The following TBL1X variants were observed in gnomAD, a reference collection of about 807,000 sequenced individuals.
The protein encoded by TBL1X is F-box-like/WD repeat-containing protein TBL1X.
Under a neutral mutation model 50.7 loss-of-function variants are expected in TBL1X, and 10 were observed. The observed-to-expected ratio is 0.20, with a 90% CI of 0.12 to 0.33. The LOEUF is 0.33. TBL1X is among the 10% of genes least tolerant of loss of function. The pLI is 1.00. For missense variants in TBL1X, 340 were observed against 504.4 expected, an observed-to-expected ratio of 0.67 and a Z score of 3.12; for synonymous variants, 190 against 214.7, an observed-to-expected ratio of 0.88 and a Z score of 1.01.
intron 2 of TBL1X, among the ~76,000 whole-genome samples, chrX:9,542,822 T>C (rs1428645261): frequency 1.8e-5 from 2 of 112,003 alleles, no homozygotes; most frequent in Non-Finnish European, 3.8e-5. Flanking sequence ...GAGTACGATT[T>C]TCCCTGGACG....
chrX:9,481,215 A>G (rs1284771717), intron 1 of TBL1X, among the ~76,000 whole-genome samples: 1 of 112,370 alleles, frequency 8.9e-6, no homozygotes, highest in Non-Finnish European at 1.9e-5. Context: ...GAGCTAATGT[A>G]TTCATGGATA....
At chrX:9,614,404 CA>C (rs1038144239) in intron 2 of TBL1X, among the ~76,000 whole-genome samples, 1 of 110,569 alleles carries the variant, frequency 9.0e-6, no homozygotes, top group Non-Finnish European at 1.9e-5. Flanking sequence ...CCCATCTCTA[CA>C]AAAAAAATTA....
In TBL1X at chrX:9,688,163, C is replaced by A. The variant is rs1169650021; in HGVS notation, c.504C>A (p.Ala168=). ...GTGCGGCGGCGGCGGCGGCTGCGGC[C>A]ACGGCAGCAGCGACAGCAGCCACCA... is the stretch of plus-strand genomic sequence containing the variant. The part of the protein sequence containing the change: ...QASAAAAAAA[A]TAAATAATTT... The change falls in exon 7 of 18, where the codon GCC becomes GCA. Residue 168 remains alanine (A), a synonymous_variant. Transcript: ENST00000645353. 1.7e-6 allele frequency: 2 copies of A among 1,197,961 alleles called. No individual in the cohort carries two copies. Among genetic ancestry groups the A allele is most frequent in the East Asian group, 3.0e-5 (1 of 32,977 alleles).
chrX:9,529,448 A>AG (rs1601735591), intron 2 of TBL1X, among the ~76,000 whole-genome samples: 1 of 111,431 alleles, frequency 9.0e-6, no homozygotes, highest in African/African-American at 3.3e-5. Flanking sequence ...GTGCTAAAGG[A>AG]GGGGTTGCAG....
At chrX:9,537,299 C>A (rs1029729620) in intron 2 of TBL1X, among the ~76,000 whole-genome samples, 1 of 110,133 alleles carries the variant, frequency 9.1e-6, no homozygotes, top group Admixed American at 9.7e-5. Context: ...TACTGCCCCC[C>A]GCCCCCCAAT....
At chrX:9,538,518 G>A (rs1015973638) in intron 2 of TBL1X, among the ~76,000 whole-genome samples, 9 of 112,307 alleles carry the variant, frequency 8.0e-5, no homozygotes, top group African/African-American at 2.9e-4. Flanking sequence ...ATTAGGACGT[G>A]CCCAGTCTCC....
intron 2 of TBL1X, among the ~76,000 whole-genome samples, chrX:9,564,299 A>T (rs967396866): frequency 9.0e-6 from 1 of 111,063 alleles, no homozygotes; most frequent in South Asian, 3.8e-4. Context: ...CTTATGGAGA[A>T]TATGTCCCAC....
At chrX:9,642,208 G>A (rs1324193517) in intron 3 of TBL1X, among the ~76,000 whole-genome samples, 1 of 111,570 alleles carries the variant, frequency 9.0e-6, no homozygotes, top group Non-Finnish European at 1.9e-5. Context: ...TCTCCTCTGC[G>A]TGAGGTATCT....
chrX:9,503,524 G>A (rs2082011746), intron 2 of TBL1X, among the ~76,000 whole-genome samples: 1 of 113,093 alleles, frequency 8.8e-6, no homozygotes, highest in African/African-American at 3.2e-5. Context: ...AACATGCTAA[G>A]CTCCCTGGAC....
intron 2 of TBL1X, among the ~76,000 whole-genome samples, chrX:9,568,421 G>T (rs771637559): frequency 1.8e-5 from 2 of 109,648 alleles, no homozygotes; most frequent in Non-Finnish European, 3.8e-5. Flanking sequence ...GTTGTGTGTG[G>T]CTGTGTATTT....
At chrX:9,465,739 G>C (rs1283423345) in intron 1 of TBL1X, among the ~76,000 whole-genome samples, 4 of 113,000 alleles carry the variant, frequency 3.5e-5, no homozygotes, top group Admixed American at 9.2e-5. Context: ...GTTTTGGGGA[G>C]GGGGAAGTGG....
At chrX:9,705,739 A>AAAG (rs1555910773) in intron 13 of TBL1X, among the ~76,000 whole-genome samples, 1 of 109,894 alleles carries the variant, frequency 9.1e-6, no homozygotes, top group African/African-American at 3.3e-5. Flanking sequence ...AAAAAAAAAA[A>AAAG]AAAAGAAAAG....
chrX:9,551,233 A>C (rs776076312), intron 2 of TBL1X, among the ~76,000 whole-genome samples: 2 of 110,788 alleles, frequency 1.8e-5, no homozygotes, highest in African/African-American at 6.6e-5. Context: ...GTGCTGCTGC[A>C]GTACCTTGTC....
At chrX:9,677,124 T>C (rs774138461) in intron 5 of TBL1X, among the ~76,000 whole-genome samples, 2 of 111,105 alleles carry the variant, frequency 1.8e-5, no homozygotes, top group South Asian at 7.7e-4. Flanking sequence ...CTCGCATCTT[T>C]ATTTTTATCA....
intron 2 of TBL1X, among the ~76,000 whole-genome samples, chrX:9,554,767 A>G (rs2082287397): frequency 1.8e-5 from 2 of 112,064 alleles, no homozygotes; most frequent in South Asian, 3.7e-4. Context: ...TTTACATACC[A>G]TAAAATTCCC....
chrX:9,529,397 G>T (rs2082148724), intron 2 of TBL1X, among the ~76,000 whole-genome samples: 1 of 111,519 alleles, frequency 9.0e-6, no homozygotes, highest in East Asian at 2.8e-4. Flanking sequence ...GAGGGATGAT[G>T]GCCTCATCTC....
intron 6 of TBL1X, among the ~76,000 whole-genome samples, chrX:9,687,344 C>A (rs886551847): frequency 8.9e-6 from 1 of 112,348 alleles, no homozygotes; most frequent in African/African-American, 3.2e-5. Flanking sequence ...TATTAAATCC[C>A]CTGGACAGAT....
At chrX:9,466,101 C>G (rs1251256113) in intron 1 of TBL1X, among the ~76,000 whole-genome samples, 1 of 109,500 alleles carries the variant, frequency 9.1e-6, no homozygotes, top group Admixed American at 9.5e-5. Flanking sequence ...TGGGGGCACC[C>G]TTGGCCCGTC....
chrX:9,499,383 A>G (rs1032290339), intron 1 of TBL1X, among the ~76,000 whole-genome samples: 2 of 112,035 alleles, frequency 1.8e-5, no homozygotes, highest in Admixed American at 1.9e-4. Context: ...CAATAAAAAG[A>G]TGAAAGAGAG....
Sources: gnomAD v4.1 joint callset for allele counts (sites outside exome capture counted in the v4.1 genomes callset) on GRCh38, gnomAD v4.1.1 for gene constraint, MANE v1.5 for transcripts, NCBI Gene and HGNC (gene_info 2026-07-23, HGNC 2026-07-21) for gene names.